The following SLC38A4 variants were observed in gnomAD, a reference collection of about 807,000 sequenced individuals.
SLC38A4 encodes solute carrier family 38 member 4.
A neutral mutation model predicts 63.1 loss-of-function variants in SLC38A4; 20 were observed. The observed-to-expected ratio is 0.32, with a 90% CI of 0.22 to 0.46. SLC38A4 has a LOEUF of 0.46. Ranked by LOEUF, SLC38A4 falls within the 20% of genes least tolerant of loss-of-function variation. The pLI, the probability that SLC38A4 is intolerant of heterozygous loss-of-function variation, is 1.00. For synonymous variants in SLC38A4, 230 were observed against 225.5 expected, an observed-to-expected ratio of 1.02 and a Z score of -0.18; for missense variants, 526 against 663.6, an observed-to-expected ratio of 0.79 and a Z score of 2.28.
chr12:46,769,517 T>G, intron 14 of SLC38A4, 89 bp from the exon 15 acceptor site: 1 of 1,387,500 alleles, frequency 7.2e-7, no homozygotes. Context: ...TAATGCATTT[T>G]CTTTCCTTTT....
At chr12:46,826,404 T>C (rs1469046500), upstream of SLC38A4, among the ~76,000 whole-genome samples, 2 of 152,110 alleles carry the variant, frequency 1.3e-5, no homozygotes, top group East Asian at 3.9e-4. Context: ...ATTATAGAAA[T>C]GAAGAATTGC....
intron 2 of SLC38A4, among the ~76,000 whole-genome samples, chr12:46,797,119 C>A (rs1939025502): frequency 6.6e-6 from 1 of 152,116 alleles, no homozygotes; most frequent in Admixed American, 6.6e-5. Flanking sequence ...AAGCTAGATC[C>A]TAAGCCCCAT....
chr12:46,823,824 A>C (rs772490289), intron 1 of SLC38A4, among the ~76,000 whole-genome samples: 2 of 152,208 alleles, frequency 1.3e-5, no homozygotes, highest in East Asian at 3.8e-4. Flanking sequence ...TCCAGGTACT[A>C]TTCAGAAGTG....
At chr12:46,769,939 C>T (rs749559099) in intron 14 of SLC38A4, among the ~76,000 whole-genome samples, 30 of 152,076 alleles carry the variant, frequency 2.0e-4, no homozygotes, top group Non-Finnish European at 4.1e-4. Flanking sequence ...CAGAATATGT[C>T]CACATTTGTA....
intron 5 of SLC38A4, 47 bp from the exon 6 acceptor site, chr12:46,785,224 A>C (rs1405803114): frequency 2.2e-6 from 3 of 1,385,168 alleles, no homozygotes; most frequent in Non-Finnish European, 3.1e-6. Context: ...ACAATAAATA[A>C]AATGTAATTA....
chr12:46,823,168 A>G (rs1389013206), intron 1 of SLC38A4, among the ~76,000 whole-genome samples: 2 of 152,164 alleles, frequency 1.3e-5, no homozygotes, highest in Non-Finnish European at 2.9e-5. Context: ...GACTGTCATC[A>G]TTAGTCAAAT....
intron 7 of SLC38A4, among the ~76,000 whole-genome samples, chr12:46,780,657 T>C (rs1452676411): frequency 6.6e-6 from 1 of 151,888 alleles, no homozygotes; most frequent in Non-Finnish European, 1.5e-5. Flanking sequence ...ACTAAGGAAT[T>C]ATATAAAGTG....
At chr12:46,813,641 A>G (rs1939381813) in intron 1 of SLC38A4, among the ~76,000 whole-genome samples, 2 of 152,040 alleles carry the variant, frequency 1.3e-5, no homozygotes, top group South Asian at 4.1e-4. Context: ...GAAGTCTTCA[A>G]ACACAGATAC....
intron 12 of SLC38A4, among the ~76,000 whole-genome samples, chr12:46,777,864 T>C (rs777319591): frequency 1.3e-5 from 2 of 152,056 alleles, no homozygotes; most frequent in Non-Finnish European, 2.9e-5. Context: ...GAATGTGTTC[T>C]AGACAAGGGT....
intron 5 of SLC38A4, among the ~76,000 whole-genome samples, chr12:46,786,926 G>A (rs1938773935): frequency 6.6e-6 from 1 of 152,160 alleles, no homozygotes; most frequent in African/African-American, 2.4e-5. Context: ...CGTTGCATTT[G>A]GGATTAGGAT....
intron 5 of SLC38A4, among the ~76,000 whole-genome samples, chr12:46,785,430 G>A (rs1938737980): frequency 1.3e-5 from 2 of 151,830 alleles, no homozygotes; most frequent in Admixed American, 1.3e-4. Context: ...GTAGAATCTG[G>A]TTCATAACTT....
chr12:46,769,110 CAGTT>C, intron 15 of SLC38A4, among the ~76,000 whole-genome samples, 170 bp downstream of exon 15: 1 of 152,120 alleles, frequency 6.6e-6, no homozygotes, highest in South Asian at 2.1e-4. Context: ...CTCCCAATGT[CAGTT>C]AGGAGGAAGA....
upstream of SLC38A4, among the ~76,000 whole-genome samples, chr12:46,829,481 T>C (rs1592202165): frequency 6.7e-6 from 1 of 149,654 alleles, no homozygotes; most frequent in Non-Finnish European, 1.5e-5. Context: ...GTTCTAAAAA[T>C]AGGATAAGGC....
At chr12:46,793,656 G>C (rs745309075) in intron 2 of SLC38A4, among the ~76,000 whole-genome samples, 1 of 152,070 alleles carries the variant, frequency 6.6e-6, no homozygotes, top group African/African-American at 2.4e-5. Context: ...GGACATGAAA[G>C]AATTAACACC....
At chr12:46,784,766 GCAACCT>G in intron 6 of SLC38A4, 132 bp from the exon 7 acceptor site, 1 of 673,834 alleles carries the variant, frequency 1.5e-6, no homozygotes, top group South Asian at 2.2e-5. Context: ...CCCAAAAGAT[GCAACCT>G]CAAAAACCAA....
intron 14 of SLC38A4, 116 bp downstream of exon 14, chr12:46,774,933 T>G: frequency 2.5e-6 from 3 of 1,184,822 alleles, no homozygotes. Context: ...GAAAATAATA[T>G]CCTCAGGCAT....
chr12:46,831,133 C>T (rs1029231096), intron 1 of SLC38A4, among the ~76,000 whole-genome samples: 7 of 152,162 alleles, frequency 4.6e-5, no homozygotes, highest in Admixed American at 1.3e-4. Context: ...GGAGATTCGC[C>T]GTTTTCCCCC....
At chr12:46,804,701 G>T (rs1283772743) in intron 1 of SLC38A4, among the ~76,000 whole-genome samples, 1 of 151,864 alleles carries the variant, frequency 6.6e-6, no homozygotes, top group Non-Finnish European at 1.5e-5. Context: ...TTCCAAATGT[G>T]CCCGTTTGGT....
At chr12:46,820,950 T>C (rs1939533542) in intron 1 of SLC38A4, among the ~76,000 whole-genome samples, 1 of 152,158 alleles carries the variant, frequency 6.6e-6, no homozygotes, top group Admixed American at 6.6e-5. Flanking sequence ...TCTTTTCATA[T>C]ACCTGTTGGC....
Sources: gnomAD v4.1 joint callset for allele counts (sites outside exome capture counted in the v4.1 genomes callset) on GRCh38, gnomAD v4.1.1 for gene constraint, MANE v1.5 for transcripts, NCBI Gene and HGNC (gene_info 2026-07-23, HGNC 2026-07-21) for gene names.